SMYD3: variants seen among roughly 807,000 people sequenced by gnomAD.
SMYD3 encodes histone-lysine N-methyltransferase SMYD3.
SMYD3 carries 36 observed loss-of-function variants against 57.7 expected under a neutral mutation model. The observed-to-expected ratio is 0.62, with a 90% CI of 0.48 to 0.82. The LOEUF is 0.82. SMYD3 is among the 40% of genes least tolerant of loss of function. SMYD3 has a pLI of 0.00. For missense variants in SMYD3, 515 were observed against 538.8 expected (o/e 0.96, Z 0.44); for synonymous variants, 211 against 195.0 (o/e 1.08, Z -0.68).
chr1:246,123,231 G>A (rs1480060540), intron 5 of SMYD3, among the ~76,000 whole-genome samples: 2 of 152,130 alleles, frequency 1.3e-5, no homozygotes, highest in Admixed American at 1.3e-4. Context: ...GTGCAAGCAG[G>A]TGATAATCTA....
intron 1 of SMYD3, among the ~76,000 whole-genome samples, chr1:246,411,659 G>A (rs1410215601): frequency 6.6e-6 from 1 of 152,134 alleles, no homozygotes; most frequent in African/African-American, 2.4e-5. Context: ...AAAAGGATGA[G>A]TTCATGCCCT....
At chr1:246,124,236 TGG>T (rs2148038289) in intron 5 of SMYD3, among the ~76,000 whole-genome samples, 1 of 152,316 alleles carries the variant, frequency 6.6e-6, no homozygotes, top group Non-Finnish European at 1.5e-5. Flanking sequence ...TAATTGGCTG[TGG>T]ATTTAAGGCA....
intron 2 of SMYD3, among the ~76,000 whole-genome samples, chr1:246,347,877 G>A (rs183869016): frequency 1.3e-5 from 2 of 151,840 alleles, no homozygotes; most frequent in African/African-American, 4.8e-5. Context: ...TTGGAGACTT[G>A]AACTAAGTCT....
At chr1:245,919,588 A>C (rs935999620) in intron 7 of SMYD3, among the ~76,000 whole-genome samples, 9 of 152,212 alleles carry the variant, frequency 5.9e-5, no homozygotes, top group Non-Finnish European at 1.3e-4. Flanking sequence ...TAATGGCAAA[A>C]ATATTTTATT....
chr1:246,206,702 T>A (rs2148380272), intron 5 of SMYD3, among the ~76,000 whole-genome samples: 1 of 152,308 alleles, frequency 6.6e-6, no homozygotes, highest in East Asian at 1.9e-4. Context: ...GACAAGTAGA[T>A]TTGTCATTCT....
intron 5 of SMYD3, chr1:245,953,299 A>T (rs2057723636): frequency 1.0e-6 from 1 of 998,498 alleles, no homozygotes; most frequent in African/African-American, 1.7e-5. Context: ...TTAATATATC[A>T]ACTCCAACTA....
intron 5 of SMYD3, among the ~76,000 whole-genome samples, chr1:246,283,866 G>A (rs72776374): frequency 0.15 from 23,132 of 152,152 alleles, 2,256 homozygotes; most frequent in East Asian, 0.3. Flanking sequence ...ACAACTGTGA[G>A]TTACACACAA....
At chr1:245,943,545 C>T (rs1281678906) in intron 5 of SMYD3, among the ~76,000 whole-genome samples, 1 of 152,148 alleles carries the variant, frequency 6.6e-6, no homozygotes, top group African/African-American at 2.4e-5. Context: ...CTGAATTCTA[C>T]AAGAGGTACA....
chr1:246,448,906 TACCTGAA>T lies in SMYD3; in HGVS notation c.164+58141_164+58147del, dbSNP rs550093454. On this transcript the variant is annotated intron_variant, in intron 1 of 11. Transcript: ENST00000490107. The stretch of plus-strand genomic sequence containing the variant: ...ACAGGAACAGCCTACAAACAGGGCA[TACCTGAA>T]ACCTTCCCTTTTTTCCACTCTAAAG... 5.3e-5 allele frequency among the ~76,000 whole-genome samples: 8 copies of T among 152,132 alleles called. No individual in the cohort carries two copies. The South Asian group carries it at 1.7e-3, about 32-fold the overall frequency.
At chr1:245,895,614 T>C (rs556438136) in intron 8 of SMYD3, among the ~76,000 whole-genome samples, 60 of 152,350 alleles carry the variant, frequency 3.9e-4, no homozygotes, top group Middle Eastern at 3.4e-3. Context: ...CCTTTGAATA[T>C]AACTTTTGCG....
intron 10 of SMYD3, among the ~76,000 whole-genome samples, chr1:245,777,973 C>G (rs998401662): frequency 1.3e-5 from 2 of 152,030 alleles, no homozygotes; most frequent in Admixed American, 6.6e-5. Context: ...CCCCACCCCC[C>G]AAAGAAATAA....
At chr1:245,847,696 C>CA (rs2050734531) in intron 10 of SMYD3, among the ~76,000 whole-genome samples, 1 of 128,606 alleles carries the variant, frequency 7.8e-6, no homozygotes, top group Admixed American at 8.1e-5. Context: ...CAATGCATCC[C>CA]AAAAGATTCC....
chr1:246,253,946 C>G (rs1393678128), intron 5 of SMYD3, among the ~76,000 whole-genome samples: 3 of 152,152 alleles, frequency 2.0e-5, no homozygotes, highest in African/African-American at 7.2e-5. Flanking sequence ...AGTGGCTGAA[C>G]TAGGTTTATA....
chr1:245,904,891 T>C (rs543244141), intron 8 of SMYD3, among the ~76,000 whole-genome samples: 6 of 151,632 alleles, frequency 4.0e-5, no homozygotes, highest in African/African-American at 1.5e-4. Flanking sequence ...GTCCTGCATC[T>C]TGGATACCAG....
intron 5 of SMYD3, among the ~76,000 whole-genome samples, chr1:246,047,019 G>A (rs935779080): frequency 2.0e-5 from 3 of 151,934 alleles, no homozygotes; most frequent in African/African-American, 7.2e-5. Flanking sequence ...TGAACAAAAA[G>A]ATAAACATAT....
intron 5 of SMYD3, among the ~76,000 whole-genome samples, chr1:246,198,309 T>C (rs555737268): frequency 6.6e-6 from 1 of 152,320 alleles, no homozygotes; most frequent in South Asian, 2.1e-4. Flanking sequence ...ACCAGCAATG[T>C]GAATAATGCC....
intron 10 of SMYD3, among the ~76,000 whole-genome samples, chr1:245,807,845 G>C (rs1372584908): frequency 6.8e-6 from 1 of 146,236 alleles, no homozygotes; most frequent in Non-Finnish European, 1.5e-5. Context: ...CAAAAAAACA[G>C]AAGCAATCTA....
chr1:245,858,045 G>C (rs2051341969), intron 10 of SMYD3, among the ~76,000 whole-genome samples: 1 of 152,176 alleles, frequency 6.6e-6, no homozygotes, highest in Non-Finnish European at 1.5e-5. Context: ...CATAAATCCT[G>C]AGAGAGATAA....
At chr1:246,374,446 G>A (rs1361429211) in intron 1 of SMYD3, among the ~76,000 whole-genome samples, 2 of 152,142 alleles carry the variant, frequency 1.3e-5, no homozygotes, top group Non-Finnish European at 2.9e-5. Context: ...CTCTCACAGT[G>A]TAAGCGTCCT....
Sources: allele counts gnomAD v4.1 joint callset (sites outside exome capture counted in the v4.1 genomes callset), GRCh38; gene constraint gnomAD v4.1.1; transcripts MANE v1.5; gene names NCBI Gene and HGNC (gene_info 2026-07-23, HGNC 2026-07-21).